Variants in BTC observed in about 807,000 individuals in gnomAD.
BTC encodes the protein probetacellulin.
In BTC, 13 loss-of-function variants were observed where a neutral mutation model predicts 18.1. The observed-to-expected ratio is 0.72, with a 90% CI of 0.47 to 1.14. The LOEUF (loss-of-function observed/expected upper bound fraction) is 1.14, where lower values mean the gene tolerates loss of function less well. BTC is among the 50% of genes most tolerant of loss of function. BTC has a pLI of 0.00. For missense variants in BTC, 247 were observed against 224.2 expected, an observed-to-expected ratio of 1.10 and a Z score of -0.65; for synonymous variants, 83 against 79.4, an observed-to-expected ratio of 1.05 and a Z score of -0.24.
intron 1 of BTC, among the ~76,000 whole-genome samples, chr4:74,793,212 T>G (rs1264766218): frequency 6.6e-6 from 1 of 152,210 alleles, no homozygotes; most frequent in Non-Finnish European, 1.5e-5. Flanking sequence ...GTTAAATAAG[T>G]TTATTTTCTC....
chr4:74,777,273 G>GT, intron 1 of BTC, among the ~76,000 whole-genome samples: 1 of 152,160 alleles, frequency 6.6e-6, no homozygotes, highest in East Asian at 1.9e-4. Flanking sequence ...ATGTAGCTGT[G>GT]TGCTGAAAAG....
chr4:74,776,274 T>C (rs546812247), intron 1 of BTC, among the ~76,000 whole-genome samples: 2 of 152,336 alleles, frequency 1.3e-5, no homozygotes, highest in East Asian at 1.9e-4. Flanking sequence ...ATCTGTTGTC[T>C]GATCCTTTCA....
intron 5 of BTC, among the ~76,000 whole-genome samples, chr4:74,747,189 G>A (rs1724314800): frequency 6.6e-6 from 1 of 152,196 alleles, no homozygotes; most frequent in South Asian, 2.1e-4. Context: ...TGTTGTGCTA[G>A]TTACGCGTCA....
chr4:74,765,338 C>T (rs1474232057), intron 2 of BTC, among the ~76,000 whole-genome samples: 3 of 151,902 alleles, frequency 2.0e-5, no homozygotes, highest in African/African-American at 7.2e-5. Context: ...AGTAACTAAG[C>T]TGGAAAATTC....
intron 2 of BTC, among the ~76,000 whole-genome samples, chr4:74,766,801 A>G (rs1213203691): frequency 6.6e-6 from 1 of 152,114 alleles, no homozygotes; most frequent in African/African-American, 2.4e-5. Context: ...AAGACATTAT[A>G]AGAAAAGAAA....
intron 1 of BTC, among the ~76,000 whole-genome samples, chr4:74,786,800 A>G (rs931203845): frequency 6.6e-6 from 1 of 152,072 alleles, no homozygotes; most frequent in African/African-American, 2.4e-5. Flanking sequence ...TGAATCCTCA[A>G]TACAAAACAT....
rs1724266630 is a variant in BTC, at chr4:74,745,509, A to AGAT, written c.*1165_*1167dup. 6.6e-6 allele frequency: 1 copy of AGAT among 152,238 alleles called. No homozygotes were observed. Among genetic ancestry groups the AGAT allele is most frequent in the African/African-American group, 2.4e-5 (1 of 41,462 alleles). The allele number at this position is 152,238 out of a possible 1,614,324, so 9.4% of individuals were successfully genotyped here. ...ATTCTATGAAATATTCACTAAATGT[A>AGAT]GATTGTGCTTTTCCAGGTTTAAAGC... On this transcript the variant is annotated 3_prime_UTR_variant, in exon 6 of 6. Coordinates refer to ENST00000395743, the MANE Select transcript of BTC (RefSeq NM_001729.4).
At chr4:74,750,831 A>C in intron 3 of BTC, 112 bp from the exon 4 acceptor site, 1 of 1,408,186 alleles carries the variant, frequency 7.1e-7, no homozygotes, top group Non-Finnish European at 9.7e-7. Context: ...TAAAGAACAC[A>C]GTTCCCTTTT....
chr4:74,762,031 T>C (rs1724770731), intron 2 of BTC, among the ~76,000 whole-genome samples: 1 of 152,212 alleles, frequency 6.6e-6, no homozygotes, highest in East Asian at 1.9e-4. Context: ...GCCTGCTGCA[T>C]AGTAGGTGCT....
intron 3 of BTC, 86 bp from the exon 4 acceptor site, chr4:74,750,805 C>T (rs1327567361): frequency 6.7e-7 from 1 of 1,487,806 alleles, no homozygotes; most frequent in East Asian, 2.3e-5. Context: ...TAACAGTTCT[C>T]ATTACTTGAA....
intron 1 of BTC, among the ~76,000 whole-genome samples, chr4:74,781,228 C>T (rs886991368): frequency 8.2e-5 from 11 of 133,972 alleles, no homozygotes; most frequent in Non-Finnish European, 7.7e-5. Context: ...CAAATGCTGC[C>T]TTCCTGGAAT....
At chr4:74,757,324 A>C (rs1724627069) in intron 2 of BTC, among the ~76,000 whole-genome samples, 2 of 152,232 alleles carry the variant, frequency 1.3e-5, no homozygotes, top group Admixed American at 1.3e-4. Context: ...TCCAGGTCAC[A>C]GTGCAGAGTT....
chr4:74,754,517 G>A (rs1724546279), intron 3 of BTC, among the ~76,000 whole-genome samples: 1 of 152,162 alleles, frequency 6.6e-6, no homozygotes, highest in African/African-American at 2.4e-5. Context: ...GGGTCCACAA[G>A]GAGATGATGA....
intron 1 of BTC, among the ~76,000 whole-genome samples, chr4:74,781,689 CT>C (rs113465251): frequency 2.7e-5 from 4 of 150,628 alleles, no homozygotes; most frequent in Non-Finnish European, 5.9e-5. Flanking sequence ...CTACCTCTGT[CT>C]TTTTTTTTCA....
chr4:74,760,770 T>A (rs1724732580), intron 2 of BTC, among the ~76,000 whole-genome samples: 1 of 151,332 alleles, frequency 6.6e-6, no homozygotes, highest in Non-Finnish European at 1.5e-5. Flanking sequence ...AGTCTCACTC[T>A]GTCGCCCAGG....
intron 1 of BTC, among the ~76,000 whole-genome samples, chr4:74,786,006 A>G (rs10011647): frequency 0.18 from 26,894 of 152,096 alleles, 3,910 homozygotes; most frequent in African/African-American, 0.41. Context: ...AAATGAGATA[A>G]TGGGTATTAA....
intron 2 of BTC, among the ~76,000 whole-genome samples, chr4:74,769,508 T>A (rs2109899352): frequency 6.6e-6 from 1 of 152,228 alleles, no homozygotes. Flanking sequence ...AGCCTAAAAC[T>A]CTTACTAAGG....
At position 74,789,651 on chromosome 4, in the gene BTC, A is replaced by C. The variant is rs79091126; in HGVS notation, c.64+4611T>G. Among the ~76,000 whole-genome samples the C allele has an allele frequency of 1.9e-3, 286 of 152,326 alleles. 5 individuals are homozygous for C. The East Asian group carries it at 0.045, about 24-fold the overall frequency. On this transcript the variant is annotated intron_variant, in intron 1 of 5. Transcript: ENST00000395743. Reference sequence around the variant, plus strand: ...TATCTGTTCTTGAGCATCTGAAAAAATTATTTTGTCCTAAGAAAACTTTCC... The same window carrying C: ...TATCTGTTCTTGAGCATCTGAAAAACTTATTTTGTCCTAAGAAAACTTTCC...
chr4:74,747,573 C>T (rs965689420), intron 5 of BTC, among the ~76,000 whole-genome samples: 1 of 152,108 alleles, frequency 6.6e-6, no homozygotes, highest in African/African-American at 2.4e-5. Context: ...TAACCTTGAT[C>T]CATGGTTCTT....
Sources: gnomAD v4.1 joint callset for allele counts (sites outside exome capture counted in the v4.1 genomes callset) on GRCh38, gnomAD v4.1.1 for gene constraint, MANE v1.5 for transcripts, NCBI Gene and HGNC (gene_info 2026-07-23, HGNC 2026-07-21) for gene names.